Variants in NBPF10 observed in about 807,000 individuals in gnomAD.
The protein encoded by NBPF10 is NBPF member 10.
In NBPF10, 63 loss-of-function variants were observed where a neutral mutation model predicts 77.9. The observed-to-expected ratio is 0.81, with a 90% CI of 0.66 to 1.00. NBPF10 has a LOEUF of 1.00. NBPF10 is among the 50% of genes least tolerant of loss of function. The pLI, the probability that NBPF10 is intolerant of heterozygous loss-of-function variation, is 0.00. For missense variants in NBPF10, 522 were observed against 679.8 expected (o/e 0.77, Z 2.58); for synonymous variants, 146 against 264.5 (o/e 0.55, Z 4.35).
At position 146,142,633 on chromosome 1, in the gene NBPF10, CT is replaced by C. The variant is rs782470174; in HGVS notation, c.278+16del. ...TACACACCTACCCGCCTGCCTCCCC[CT>C]ATGGGGTCCCCTCACCTGAGCTCCT... On this transcript the variant is annotated intron_variant, in intron 2 of 89. Coordinates refer to ENST00000583866, the Ensembl canonical transcript of NBPF10. 275 of 1,312,192 alleles carry C rather than the reference CT, an allele frequency of 2.1e-4. 64 individuals are homozygous for C. Among genetic ancestry groups the C allele is most frequent in the Non-Finnish European group, 2.8e-4 (269 of 947,472 alleles). The allele number at this position is 1,312,192 out of a possible 1,614,324, so 81.3% of individuals were successfully genotyped here.
At chr1:146,134,871 C>A in intron 8 of NBPF10, among the ~76,000 whole-genome samples, 1 of 123,650 alleles carries the variant, frequency 8.1e-6, no homozygotes, top group South Asian at 2.7e-4. Flanking sequence ...ATGCTTCAGA[C>A]CCTTGCAAGA....
At chr1:146,126,380 C>A (rs1484910967) in exon 14 of NBPF10, 3 of 1,359,898 alleles carry the variant, frequency 2.2e-6, no homozygotes, top group Non-Finnish European at 3.1e-6. Flanking sequence ...ACTTCAGGCC[C>A]TTTCTCATCC....
intron 35 of NBPF10, among the ~76,000 whole-genome samples, chr1:146,109,343 CACAGAG>C (rs1481035372): frequency 2.5e-3 from 231 of 91,358 alleles, no homozygotes; most frequent in Non-Finnish European, 3.6e-3. Flanking sequence ...CACACACACA[CACAGAG>C]AGAGAGAGAG....
chr1:146,066,893 G>A (rs587596413), intron 89 of NBPF10, among the ~76,000 whole-genome samples: 2 of 148,194 alleles, frequency 1.3e-5, no homozygotes, highest in Non-Finnish European at 3.0e-5. Context: ...CAGTGATCAT[G>A]AAAAGAGTGA....
At position 146,127,927 on chromosome 1, in the gene NBPF10, T is replaced by A. The variant is rs1160429128; in HGVS notation, c.1801+192A>T. On this transcript the variant is annotated intron_variant, in intron 12 of 89. Coordinates refer to ENST00000583866, the Ensembl canonical transcript of NBPF10. ...GCATGGCCTGAGACTAGGAAGAGAG[T>A]AAAGCTCACTGACCCACCCCATGCC... 2.7e-4 allele frequency among the ~76,000 whole-genome samples: 40 copies of A among 147,620 alleles called. 1 individual carries two copies. Among genetic ancestry groups the A allele is most frequent in the African/African-American group, 1.0e-3 (39 of 39,062 alleles).
chr1:146,126,163 C>T, intron 14 of NBPF10, 73 bp downstream of exon 14: 4 of 918,026 alleles, frequency 4.4e-6, no homozygotes, highest in South Asian at 2.6e-5. Flanking sequence ...CAGTAACGGC[C>T]ACTTGCAGTA....
intron 7 of NBPF10, 86 bp downstream of exon 7, chr1:146,136,267 T>C (rs1473190884): frequency 7.5e-5 from 68 of 905,976 alleles, no homozygotes; most frequent in Non-Finnish European, 1.1e-4. Context: ...CTGGCCCAGC[T>C]TAGCTCTTAC....
At chr1:146,143,292 C>T (rs1286328239) in intron 1 of NBPF10, among the ~76,000 whole-genome samples, 2 of 142,492 alleles carry the variant, frequency 1.4e-5, no homozygotes, top group Non-Finnish European at 3.1e-5. Flanking sequence ...GACAATAAGG[C>T]CATGAAGGAA....
At chr1:146,141,764 C>A in exon 3 of NBPF10, 2 of 1,343,138 alleles carry the variant, frequency 1.5e-6, no homozygotes, top group Non-Finnish European at 2.1e-6. Context: ...CCCGTAACTT[C>A]TCCCTTAGCT....
chr1:146,068,072 C>T (rs781984066), exon 88 of NBPF10: 1 of 540,504 alleles, frequency 1.9e-6, no homozygotes, highest in Non-Finnish European at 3.2e-6. Flanking sequence ...TAGGGCTGGC[C>T]TAAGTCAGGC....
intron 14 of NBPF10, among the ~76,000 whole-genome samples, chr1:146,125,782 AT>A (rs1290279820): frequency 2.1e-5 from 3 of 145,310 alleles, no homozygotes; most frequent in Non-Finnish European, 4.5e-5. Flanking sequence ...GTTATGCCAT[AT>A]TTTTCCAATC....
rs782743265 is a variant in NBPF10 at position 146,134,273 on chromosome 1, T to C, written c.1307-8A>G. 5 of 1,603,302 alleles carry C rather than the reference T, an allele frequency of 3.1e-6. No homozygotes were observed. The highest frequency in any genetic ancestry group is 4.2e-6 in the Non-Finnish European group (5 of 1,178,954). ...CGTCATCGTTGTCATTTTCTGCAAA[T>C]ACAGAAGTGTTCGTTCAGGTATTTC... On this transcript the variant is annotated splice_polypyrimidine_tract_variant and splice_region_variant and intron_variant, in intron 8 of 89. Transcript: ENST00000583866.
At chr1:146,139,100 T>TTC (rs1660012273) in intron 5 of NBPF10, among the ~76,000 whole-genome samples, 3 of 97,154 alleles carry the variant, frequency 3.1e-5, no homozygotes, top group African/African-American at 1.1e-4. Context: ...TACTTTTTTT[T>TTC]TTTTTTTTTT....
In NBPF10 at chr1:146,135,912, G is replaced by T. The variant is rs587684297; in HGVS notation, c.1092-391C>A. Among the ~76,000 whole-genome samples, 86 of 147,280 alleles carry T rather than the reference G, an allele frequency of 5.8e-4. 1 individual carries two copies. The highest frequency in any genetic ancestry group is 2.2e-3 in the African/African-American group (86 of 39,222). On this transcript the variant is annotated intron_variant, in intron 7 of 89. Transcript: ENST00000583866. The stretch of plus-strand genomic sequence containing the variant: ...ATGTACAGAAATGAGGCCAGGTGCA[G>T]ATGGGGCGAATTGAAAAGATGAAAG...
At position 146,127,896 on chromosome 1, in the gene NBPF10, G is replaced by C. The variant is rs1307559678; in HGVS notation, c.1801+223C>G. Among the ~76,000 whole-genome samples the C allele has an allele frequency of 4.9e-5, 7 of 141,422 alleles. 1 individual carries two copies. The highest frequency in any genetic ancestry group is 1.1e-4 in the Non-Finnish European group (7 of 65,616). The allele number at this position is 141,422 out of a possible 152,430, so 92.8% of individuals were successfully genotyped here. A position where few individuals can be genotyped will look rare whatever the true frequency, so the allele number is the denominator to read the frequency against. On this transcript the variant is annotated intron_variant, in intron 12 of 89. Coordinates refer to ENST00000583866, the Ensembl canonical transcript of NBPF10. ...ATGTCGTGACAGTCAGTCCAGGTTG[G>C]CACGGGCATGGCCTGAGACTAGGAA...
chr1:146,067,126 T>A lies in NBPF10; in HGVS notation c.11144+54A>T. 2 of 627,582 alleles carry A rather than the reference T, an allele frequency of 3.2e-6. 1 individual carries two copies. Among genetic ancestry groups the A allele is most frequent in the East Asian group, 5.9e-5 (2 of 33,936 alleles). The allele number at this position is 627,582 out of a possible 1,614,324, so 38.9% of individuals were successfully genotyped here. A position where few individuals can be genotyped will look rare whatever the true frequency, so the allele number is the denominator to read the frequency against. On this transcript the variant is annotated intron_variant, in intron 89 of 89. Coordinates refer to ENST00000583866, the Ensembl canonical transcript of NBPF10. Reference sequence around the variant, plus strand: ...AAACACACTCTGGTTTCCCTGAATCTGTTGCCTCCAGGTGTTAACACAGAA... The same window carrying A: ...AAACACACTCTGGTTTCCCTGAATCAGTTGCCTCCAGGTGTTAACACAGAA...
At chr1:146,142,396 A>C (rs1553797732) in intron 2 of NBPF10, among the ~76,000 whole-genome samples, 1 of 134,282 alleles carries the variant, frequency 7.4e-6, no homozygotes, top group Non-Finnish European at 1.7e-5. Context: ...TCCTTTGGTG[A>C]ATTTTGTGTT....
intron 2 of NBPF10, among the ~76,000 whole-genome samples, chr1:146,142,125 A>G (rs1188400713): frequency 1.6e-5 from 2 of 124,904 alleles, no homozygotes; most frequent in Non-Finnish European, 3.7e-5. Flanking sequence ...CACTCTGGCC[A>G]TGGACATTTC....
chr1:146,090,475 CAG>C (rs782364727), intron 59 of NBPF10, among the ~76,000 whole-genome samples: 8 of 6,334 alleles, frequency 1.3e-3, no homozygotes, highest in Non-Finnish European at 2.4e-3. Flanking sequence ...CACACACACA[CAG>C]AGAGAGAGAG....
Sources: gnomAD v4.1 joint callset for allele counts (sites outside exome capture counted in the v4.1 genomes callset) on GRCh38, gnomAD v4.1.1 for gene constraint, MANE v1.5 for transcripts, NCBI Gene and HGNC (gene_info 2026-07-23, HGNC 2026-07-21) for gene names.